The following HECTD4 variants were observed in gnomAD, a reference collection of about 807,000 sequenced individuals.
HECTD4 encodes probable E3 ubiquitin-protein ligase HECTD4.
A neutral mutation model predicts 471.5 loss-of-function variants in HECTD4; 114 were observed. The observed-to-expected ratio is 0.24, with a 90% CI of 0.21 to 0.28. The LOEUF (loss-of-function observed/expected upper bound fraction) is 0.28. Ranked by LOEUF, HECTD4 falls within the 10% of genes least tolerant of loss-of-function variation. The pLI is 1.00. For synonymous variants in HECTD4, 2,012 were observed against 2,256.0 expected, an observed-to-expected ratio of 0.89 and a Z score of 3.07; for missense variants, 3,866 against 5,651.5, an observed-to-expected ratio of 0.68 and a Z score of 10.13.
rs2034009546 is a variant in HECTD4 at position 112,256,380 on chromosome 12, T to C, written c.3267A>G (p.Gly1089=). ...CAAATCTAAGGTACAGGCAGCGAGC[T>C]CCTGGGATATGGACCGTTTCTTTAA... ...YKFKETVHIP[G]ARCLYLRFDS... Residue 1089 remains glycine (G), a synonymous_variant, in exon 21 of 76, where the codon GGA becomes GGG. Transcript: ENST00000682272. 6.2e-7 allele frequency: 1 copy of C among 1,612,434 alleles called. No homozygotes were observed. Among genetic ancestry groups the C allele is most frequent in the African/African-American group, 1.3e-5 (1 of 74,958 alleles).
chr12:112,344,495 C>T (rs1319740856), intron 1 of HECTD4, among the ~76,000 whole-genome samples: 2 of 152,190 alleles, frequency 1.3e-5, no homozygotes, highest in African/African-American at 4.8e-5. Flanking sequence ...TAACTCAGAG[C>T]TCACAAAAAG....
rs1400965729 is a variant in HECTD4, at chr12:112,303,875, GA to G, written c.1335+2188del. On this transcript the variant is annotated intron_variant, in intron 7 of 75. Transcript: ENST00000682272. The stretch of plus-strand genomic sequence containing the variant: ...TCTCTCTCAAAATAAAAAAAAAAAA[GA>G]AAAAAAAAAGGAAGGAAAAAAAGAA... Among the ~76,000 whole-genome samples the G allele has an allele frequency of 1.9e-3, 199 of 103,874 alleles. 1 individual carries two copies. The highest frequency in any genetic ancestry group is 6.7e-3 in the African/African-American group (173 of 25,816). 68.1% of individuals were successfully genotyped at this position (103,874 alleles called of 152,430 possible).
chr12:112,170,158 C>T, intron 69 of HECTD4, 175 bp downstream of exon 69: 1 of 860,326 alleles, frequency 1.2e-6, no homozygotes, highest in Non-Finnish European at 1.8e-6. Context: ...TATGCCCCTT[C>T]CCTGAGCTCC....
intron 2 of HECTD4, among the ~76,000 whole-genome samples, chr12:112,315,705 T>C (rs1346901126): frequency 5.9e-5 from 9 of 152,130 alleles, no homozygotes; most frequent in African/African-American, 1.9e-4. Flanking sequence ...AATTATTACC[T>C]GCCAGATTCA....
chr12:112,274,195 G>C (rs1394377466), intron 10 of HECTD4, among the ~76,000 whole-genome samples: 2 of 152,188 alleles, frequency 1.3e-5, no homozygotes, highest in African/African-American at 2.4e-5. Context: ...CCACGGCAAA[G>C]AGAAAGTCCA....
In HECTD4 at chr12:112,172,671, T is replaced by G; in HGVS notation, c.11785A>C (p.Asn3929His). ...AGGGGATAGGCCCAGGGCCACATAC[T>G]CAGGAGACAGGCCACTCTGGGGTCA... Reference protein sequence around the residue: ...AADPRVACLLNVPIESLRLRF... With the variant: ...AADPRVACLLHVPIESLRLRF... The change falls in exon 67 of 76, where the codon AAC (asparagine) becomes CAC (histidine). Residue 3929 changes from asparagine (N) to histidine (H), a missense_variant and splice_region_variant. By Grantham distance (68) the Asn-to-His change is moderately conservative. Coordinates refer to ENST00000682272, the MANE Select transcript of HECTD4 (RefSeq NM_001388303.1). 2 of 1,613,652 alleles carry G rather than the reference T, an allele frequency of 1.2e-6. No individual in the cohort carries two copies. Among genetic ancestry groups the G allele is most frequent in the Non-Finnish European group, 1.7e-6 (2 of 1,179,762 alleles).
In HECTD4 at chr12:112,204,504, T is replaced by C; in HGVS notation, c.8251A>G (p.Ile2751Val). Reference protein sequence around the residue: ...DIKDEANKFTIDKVRKGLTVV... With the variant: ...DIKDEANKFTVDKVRKGLTVV... The stretch of plus-strand genomic sequence containing the variant: ...GCAAAACCTTTTCGAACTTTATCAA[T>C]TGTGAACTTGTTTGCTTCGTCTTTA... Residue 2751 changes from isoleucine to valine, a missense_variant, in exon 53 of 76, where the codon ATT becomes GTT. Coordinates refer to ENST00000682272, the MANE Select transcript of HECTD4 (RefSeq NM_001388303.1). 1.2e-6 allele frequency: 2 copies of C among 1,613,484 alleles called. No homozygotes were observed. The highest frequency in any genetic ancestry group is 1.1e-5 in the South Asian group (1 of 90,922).
At chr12:112,242,527 C>T (rs867103169) in intron 32 of HECTD4, among the ~76,000 whole-genome samples, 7 of 151,296 alleles carry the variant, frequency 4.6e-5, no homozygotes, top group South Asian at 2.1e-4. Flanking sequence ...GTGGGAAGAT[C>T]GCTTGAGCCT....
At chr12:112,377,708 TAA>T (rs1294692798) in intron 1 of HECTD4, among the ~76,000 whole-genome samples, 1 of 152,068 alleles carries the variant, frequency 6.6e-6, no homozygotes, top group Non-Finnish European at 1.5e-5. Flanking sequence ...CAGTGTCTAC[TAA>T]AAATACAAAA....
chr12:112,341,812 A>G (rs1202442813), intron 1 of HECTD4, among the ~76,000 whole-genome samples: 2 of 152,204 alleles, frequency 1.3e-5, no homozygotes, highest in African/African-American at 4.8e-5. Flanking sequence ...ACCATATGAG[A>G]TAGTACTTAG....
chr12:112,336,518 G>A (rs1031269112), intron 1 of HECTD4, among the ~76,000 whole-genome samples: 7 of 147,578 alleles, frequency 4.7e-5, no homozygotes, highest in South Asian at 2.1e-4. Context: ...GCAAGACTCC[G>A]TCTCAAAAAA....
At chr12:112,323,956 T>TTC (rs1243526261) in intron 1 of HECTD4, among the ~76,000 whole-genome samples, 1 of 33,494 alleles carries the variant, frequency 3.0e-5, no homozygotes, top group Non-Finnish European at 4.5e-5. Context: ...GCTTCTTTCT[T>TTC]TCTTTCTTTC....
chr12:112,187,335 C>A (rs1459979815), intron 60 of HECTD4, among the ~76,000 whole-genome samples: 1 of 152,108 alleles, frequency 6.6e-6, no homozygotes, highest in Non-Finnish European at 1.5e-5. Context: ...CAGGGAACAG[C>A]ATTCAGCTAG....
chr12:112,230,761 T>C lies in HECTD4; in HGVS notation c.6262A>G (p.Ile2088Val). 1 of 1,611,250 alleles carries C rather than the reference T, an allele frequency of 6.2e-7. No individual in the cohort carries two copies. Among genetic ancestry groups the C allele is most frequent in the Non-Finnish European group, 8.5e-7 (1 of 1,178,758 alleles). The change falls in exon 40 of 76, where the codon ATC becomes GTC. Residue 2088 changes from isoleucine (I) to valine (V), a missense_variant. By Grantham distance (29) the Ile-to-Val change is conservative. This residue lies in a region of HECTD4 where 617 missense variants were observed against 915.1 expected (regional missense o/e 0.67). Transcript: ENST00000682272. ...ATGAGCAAGCTATGTAGCAAGGCGATCACTTCTGCAGCCATGCTGTTTGCC... is the reference window on the plus strand; with the variant it reads ...ATGAGCAAGCTATGTAGCAAGGCGACCACTTCTGCAGCCATGCTGTTTGCC... ...HVANSMAAEV[I>V]ALLHSLLMAP...
chr12:112,222,084 C>T (rs1040549288), intron 44 of HECTD4, among the ~76,000 whole-genome samples: 60 of 152,036 alleles, frequency 3.9e-4, no homozygotes, highest in African/African-American at 1.4e-3. Context: ...CCACCACACC[C>T]GGCTAATTTT....
chr12:112,319,550 A>T lies in HECTD4; in HGVS notation c.370T>A (p.Leu124Met), dbSNP rs2035545652. 1.4e-6 allele frequency: 2 copies of T among 1,440,692 alleles called. No individual in the cohort carries two copies. Among genetic ancestry groups the T allele is most frequent in the Non-Finnish European group, 1.8e-6 (2 of 1,102,908 alleles). 89.2% of individuals were successfully genotyped at this position (1,440,692 alleles called of 1,614,324 possible). ...ERESSGDEET[L>M]ALLKRQGLLQ... ...AAGCCCTGGCGTTTGAGCAGGGCCAAAGTTTCCTCATCACCTGAACTTTCC... is the reference window on the plus strand; with the variant it reads ...AAGCCCTGGCGTTTGAGCAGGGCCATAGTTTCCTCATCACCTGAACTTTCC... The change falls in exon 2 of 76, where the codon TTG (leucine) becomes ATG (methionine). Residue 124 changes from leucine (L) to methionine (M), a missense_variant. Transcript: ENST00000682272. The surrounding 1 kb of genome is among the most constrained non-coding windows in gnomAD (Gnocchi z 5.3).
intron 1 of HECTD4, among the ~76,000 whole-genome samples, chr12:112,362,403 T>C (rs1191377346): frequency 1.3e-5 from 2 of 152,214 alleles, no homozygotes; most frequent in African/African-American, 4.8e-5. Flanking sequence ...TGGAAGTCAA[T>C]ATTCTCCAGA....
At chr12:112,209,273 T>C (rs1402633134) in intron 50 of HECTD4, among the ~76,000 whole-genome samples, 1 of 152,104 alleles carries the variant, frequency 6.6e-6, no homozygotes, top group Non-Finnish European at 1.5e-5. Flanking sequence ...ATCCTTACTT[T>C]GGTGAGCTGT....
intron 7 of HECTD4, among the ~76,000 whole-genome samples, chr12:112,304,794 T>G (rs2035240292): frequency 6.6e-6 from 1 of 152,068 alleles, no homozygotes; most frequent in Non-Finnish European, 1.5e-5. Context: ...GAGGACACTG[T>G]GAGATTCAAT....
Sources: allele counts gnomAD v4.1 joint callset (sites outside exome capture counted in the v4.1 genomes callset), GRCh38; gene constraint gnomAD v4.1.1; regional missense constraint gnomAD v4.1.1; non-coding constraint Gnocchi (gnomAD v3.1); transcripts MANE v1.5; gene names NCBI Gene and HGNC (gene_info 2026-07-23, HGNC 2026-07-21).